Variants in MARCHF7 observed in about 807,000 individuals in gnomAD.
MARCHF7 encodes the protein membrane associated ring-CH-type finger 7.
In MARCHF7, 20 loss-of-function variants were observed where a neutral mutation model predicts 76.5. The ratio of observed to expected loss-of-function variants is 0.26; its 90% CI spans 0.18 to 0.38. The LOEUF (loss-of-function observed/expected upper bound fraction) is 0.38, where lower values mean the gene tolerates loss of function less well. MARCHF7 is among the 10% of genes least tolerant of loss of function. MARCHF7 has a pLI of 1.00. For synonymous variants in MARCHF7, 295 were observed against 293.0 expected, an observed-to-expected ratio of 1.01 and a Z score of -0.07; for missense variants, 797 against 812.9, an observed-to-expected ratio of 0.98 and a Z score of 0.24.
At chr2:159,756,361 C>T (rs1706292023) in intron 8 of MARCHF7, among the ~76,000 whole-genome samples, 1 of 152,126 alleles carries the variant, frequency 6.6e-6, no homozygotes, top group African/African-American at 2.4e-5. Context: ...TAAACCCTGG[C>T]TGCTGATGAG....
At position 159,745,797 on chromosome 2, in the gene MARCHF7, C is replaced by G. The variant is rs769800172; in HGVS notation, c.374C>G (p.Pro125Arg). The G allele has an allele frequency of 4.4e-6, 7 of 1,608,402 alleles. No individual in the cohort carries two copies. In the South Asian group the frequency reaches 7.8e-5, roughly 18 times the overall value. The part of the protein sequence containing the change: ...SDSSWRHSQV[P>R]RSSSMVLGSF... ...TCATCTTGGAGGCATAGTCAAGTTCCTAGATCTTCATCAATGGTACTTGGA... is the reference window on the plus strand; with the variant it reads ...TCATCTTGGAGGCATAGTCAAGTTCGTAGATCTTCATCAATGGTACTTGGA... The change falls in exon 6 of 12, where the codon CCT (proline) becomes CGT (arginine). Residue 125 changes from proline (P) to arginine (R), a missense_variant. This residue lies in a region of MARCHF7 where 643 missense variants were observed against 631.5 expected (regional missense o/e 1.02). Coordinates refer to ENST00000409175, the MANE Select transcript of MARCHF7 (RefSeq NM_001282805.2).
chr2:159,743,609 T>C (rs1272930413), intron 5 of MARCHF7, among the ~76,000 whole-genome samples: 2 of 152,298 alleles, frequency 1.3e-5, no homozygotes, highest in East Asian at 1.9e-4. Context: ...AAGCATGTCT[T>C]ATATAAATGA....
intron 8 of MARCHF7, among the ~76,000 whole-genome samples, chr2:159,755,970 A>G (rs1482827374): frequency 6.6e-6 from 1 of 152,146 alleles, no homozygotes; most frequent in East Asian, 1.9e-4. Flanking sequence ...AGCTAGTCTG[A>G]GCTCAAGGGC....
At chr2:159,763,025 G>GGAGGC in intron 10 of MARCHF7, 32 bp downstream of exon 10, 2 of 1,402,922 alleles carry the variant, frequency 1.4e-6, no homozygotes, top group Non-Finnish European at 2.0e-6. Context: ...GAGAGGGAGG[G>GGAGGC]TATGATGCAG....
At chr2:159,732,653 C>G (rs1194530926) in intron 4 of MARCHF7, among the ~76,000 whole-genome samples, 1 of 152,100 alleles carries the variant, frequency 6.6e-6, no homozygotes, top group African/African-American at 2.4e-5. Flanking sequence ...GCTGGGACTA[C>G]AGATGCGCAG....
chr2:159,712,867 G>T (rs1700376244), intron 1 of MARCHF7, among the ~76,000 whole-genome samples: 1 of 152,230 alleles, frequency 6.6e-6, no homozygotes, highest in Admixed American at 6.5e-5. Flanking sequence ...GTCGGGTGGT[G>T]GAGTTTGTGG....
At chr2:159,753,683 AT>A (rs1450241415) in intron 8 of MARCHF7, among the ~76,000 whole-genome samples, 1 of 152,216 alleles carries the variant, frequency 6.6e-6, no homozygotes, top group Non-Finnish European at 1.5e-5. Flanking sequence ...TCTTATTAAT[AT>A]TTGGCTGCTT....
rs140055725 is a variant in MARCHF7, at chr2:159,729,106, C to T, written c.84C>T (p.Ser28=). Residue 28 remains serine (S), a synonymous_variant, in exon 4 of 12, where the codon AGC becomes AGT. Coordinates refer to ENST00000409175, the MANE Select transcript of MARCHF7 (RefSeq NM_001282805.2). Reference sequence around the variant, plus strand: ...TAAGTGCTAGGATGATGTCTGGAAGCAGAGGAAGTAGTTTAAATGATACCT... The same window carrying T: ...TAAGTGCTAGGATGATGTCTGGAAGTAGAGGAAGTAGTTTAAATGATACCT... ...SSLSARMMSG[S]RGSSLNDTYH... 7 of 1,611,104 alleles carry T rather than the reference C, an allele frequency of 4.3e-6. No homozygotes were observed. The East Asian group carries it at 1.3e-4, about 31-fold the overall frequency.
At position 159,748,541 on chromosome 2, in the gene MARCHF7, A is replaced by T; in HGVS notation, c.1251A>T (p.Thr417=). Residue 417 remains threonine (T), a synonymous_variant, in exon 7 of 12, where the codon ACA becomes ACT. Coordinates refer to ENST00000409175, the MANE Select transcript of MARCHF7 (RefSeq NM_001282805.2). ...DESSRIPTSD[T]SSRSHIFRRE... is the part of the protein sequence containing the mutation. The stretch of plus-strand genomic sequence containing the variant: ...CTTCAAGGATACCTACCTCTGATAC[A>T]TCATCTAGATCTCATATTTTTAGAA... 6.2e-7 allele frequency: 1 copy of T among 1,614,202 alleles called. No homozygotes were observed. Among genetic ancestry groups the T allele is most frequent in the Non-Finnish European group, 8.5e-7 (1 of 1,180,018 alleles).
intron 4 of MARCHF7, among the ~76,000 whole-genome samples, chr2:159,742,144 T>A (rs902144055): frequency 2.0e-5 from 3 of 152,192 alleles, no homozygotes. Context: ...ACAAGCTTTA[T>A]TTTGTGTACA....
chr2:159,770,144 G>A lies in MARCHF7; in HGVS notation c.*2802G>A, dbSNP rs1268121900. ...ACGCCATATTTTTTTTACTGTGCCTGTAGTTCTTCAAGGAGTGGTACAATT... is the reference window on the plus strand; with the variant it reads ...ACGCCATATTTTTTTTACTGTGCCTATAGTTCTTCAAGGAGTGGTACAATT... On this transcript the variant is annotated 3_prime_UTR_variant, in exon 12 of 12. Coordinates refer to ENST00000409175, the MANE Select transcript of MARCHF7 (RefSeq NM_001282805.2). 1 of 152,048 alleles carries A rather than the reference G, an allele frequency of 6.6e-6. No individual in the cohort carries two copies. Among genetic ancestry groups the A allele is most frequent in the Non-Finnish European group, 1.5e-5 (1 of 68,016 alleles). 9.4% of individuals were successfully genotyped at this position (152,048 alleles called of 1,614,324 possible).
chr2:159,725,291 TCC>T (rs1702040507), intron 3 of MARCHF7, among the ~76,000 whole-genome samples: 1 of 152,212 alleles, frequency 6.6e-6, no homozygotes, highest in Non-Finnish European at 1.5e-5. Flanking sequence ...TAGTTTACAG[TCC>T]CACCAACAAT....
chr2:159,748,743 C>T lies in MARCHF7; in HGVS notation c.1453C>T (p.Arg485Trp), dbSNP rs370056939. 10 of 1,614,024 alleles carry T rather than the reference C, an allele frequency of 6.2e-6. No individual in the cohort carries two copies. The highest frequency in any genetic ancestry group is 2.7e-5 in the African/African-American group (2 of 74,916). The change falls in exon 7 of 12, where the codon CGG becomes TGG. Residue 485 changes from arginine (R) to tryptophan (W), a missense_variant. Coordinates refer to ENST00000409175, the MANE Select transcript of MARCHF7 (RefSeq NM_001282805.2). ...ISGILPGSLF[R>W]FAVPPALGSN... Reference sequence around the variant, plus strand: ...AGGGATTCTTCCTGGTTCCTTATTCCGGTTTGCAGTCCCTCCAGCACTTGG... The same window carrying T: ...AGGGATTCTTCCTGGTTCCTTATTCTGGTTTGCAGTCCCTCCAGCACTTGG...
intron 11 of MARCHF7, among the ~76,000 whole-genome samples, chr2:159,765,604 A>G (rs1413557994): frequency 6.6e-6 from 1 of 152,170 alleles, no homozygotes; most frequent in Non-Finnish European, 1.5e-5. Flanking sequence ...AGTGTTATCT[A>G]TAGTGTGCAT....
rs990597595 is a variant in MARCHF7 at position 159,764,241 on chromosome 2, T to C, written c.2008-385T>C. Among the ~76,000 whole-genome samples, 7 of 148,316 alleles carry C rather than the reference T, an allele frequency of 4.7e-5. No individual in the cohort carries two copies. The South Asian group carries it at 8.6e-4, about 18-fold the overall frequency. ...GTGTGTGTGTGTGTGTGTGTGTGTG[T>C]GTGTGTGTGTGTGTGCGCGCGCCCA... On this transcript the variant is annotated intron_variant, in intron 10 of 11. Coordinates refer to ENST00000409175, the MANE Select transcript of MARCHF7 (RefSeq NM_001282805.2).
intron 3 of MARCHF7, among the ~76,000 whole-genome samples, chr2:159,725,223 G>T (rs1315666599): frequency 6.6e-6 from 1 of 152,132 alleles, no homozygotes; most frequent in Admixed American, 6.6e-5. Flanking sequence ...GGGTCAAATG[G>T]TATTTCTAGT....
At chr2:159,737,273 T>C (rs1424490489) in intron 4 of MARCHF7, among the ~76,000 whole-genome samples, 1 of 152,220 alleles carries the variant, frequency 6.6e-6, no homozygotes, top group Non-Finnish European at 1.5e-5. Flanking sequence ...GTATATATCT[T>C]ACTGGATACT....
At chr2:159,713,005 T>C (rs1468844989) in intron 1 of MARCHF7, among the ~76,000 whole-genome samples, 1 of 152,096 alleles carries the variant, frequency 6.6e-6, no homozygotes, top group Admixed American at 6.5e-5. Flanking sequence ...TTCGGAGCCC[T>C]GCGGGCCGCG....
intron 4 of MARCHF7, among the ~76,000 whole-genome samples, chr2:159,734,752 A>G (rs1286362589): frequency 1.3e-5 from 2 of 149,988 alleles, no homozygotes; most frequent in African/African-American, 4.9e-5. Flanking sequence ...TGGGAGGGTC[A>G]CTTGTGGCCA....
Sources: gnomAD v4.1 joint callset for allele counts (sites outside exome capture counted in the v4.1 genomes callset) on GRCh38, gnomAD v4.1.1 for gene constraint, gnomAD v4.1.1 regional missense constraint, MANE v1.5 for transcripts, NCBI Gene and HGNC (gene_info 2026-07-23, HGNC 2026-07-21) for gene names.